The following DPYSL5 variants were observed in gnomAD, a reference collection of about 807,000 sequenced individuals.
DPYSL5 encodes the protein dihydropyrimidinase like 5.
DPYSL5 carries 9 observed loss-of-function variants against 58.4 expected under a neutral mutation model. The ratio of observed to expected loss-of-function variants is 0.15; its 90% confidence interval spans 0.09 to 0.27. DPYSL5 has a LOEUF of 0.27. DPYSL5 is among the 10% of genes least tolerant of loss of function. The pLI is 1.00. For synonymous variants in DPYSL5, 293 were observed against 301.9 expected (o/e 0.97, Z 0.31); for missense variants, 499 against 770.6 (o/e 0.65, Z 4.17).
At chr2:26,940,946 TTTTTG>T (rs1329244380) in intron 9 of DPYSL5, among the ~76,000 whole-genome samples, 65 of 142,376 alleles carry the variant, frequency 4.6e-4, no homozygotes, top group African/African-American at 1.5e-3. Flanking sequence ...TATTTATTTT[TTTTTG>T]TGTGTGATAG....
chr2:26,940,712 TA>T (rs1423044524), intron 9 of DPYSL5, among the ~76,000 whole-genome samples: 1 of 151,800 alleles, frequency 6.6e-6, no homozygotes, highest in Non-Finnish European at 1.5e-5. Context: ...CATATAACAC[TA>T]TACCCTGAGT....
chr2:26,848,533 C>A (rs1665656402), intron 1 of DPYSL5: 1 of 152,460 alleles, frequency 6.6e-6, no homozygotes, highest in Non-Finnish European at 1.5e-5. Context: ...GGTTGCAAAG[C>A]CCTGGGGTGA....
At chr2:26,915,971 C>A (rs1179266236) in intron 2 of DPYSL5, among the ~76,000 whole-genome samples, 1 of 152,118 alleles carries the variant, frequency 6.6e-6, no homozygotes, top group Non-Finnish European at 1.5e-5. Context: ...TTAAACTGGG[C>A]ACAGGAAGTG....
intron 3 of DPYSL5, among the ~76,000 whole-genome samples, chr2:26,926,978 C>T (rs919172312): frequency 3.3e-5 from 5 of 152,220 alleles, no homozygotes; most frequent in African/African-American, 1.2e-4. Flanking sequence ...AGGGGACAGG[C>T]CTAAGTGATA....
intron 1 of DPYSL5, among the ~76,000 whole-genome samples, chr2:26,896,632 T>G (rs1192355905): frequency 6.6e-6 from 1 of 152,244 alleles, no homozygotes; most frequent in Non-Finnish European, 1.5e-5. Context: ...TTTCTGATGA[T>G]TAGTGATGTT....
chr2:26,909,584 T>C (rs540165493), intron 2 of DPYSL5, among the ~76,000 whole-genome samples: 2 of 152,000 alleles, frequency 1.3e-5, no homozygotes, highest in Non-Finnish European at 2.9e-5. Context: ...CTAGGCAACA[T>C]AGTGAAACCC....
rs559253357 is a variant in DPYSL5, at chr2:26,941,444, G to C, written c.1090-506G>C. ...TTTGGTCTTGATCTATCTCAGATTA[G>C]ATCTAAAATAGTATGAGCCCCAAAG... On this transcript the variant is annotated intron_variant, in intron 9 of 12. Transcript: ENST00000288699. Among the ~76,000 whole-genome samples the C allele has an allele frequency of 2.4e-4, 36 of 152,270 alleles. No homozygotes were observed. In the South Asian group the frequency reaches 7.3e-3, roughly 31 times the overall value.
intron 2 of DPYSL5, among the ~76,000 whole-genome samples, chr2:26,921,705 G>A (rs1455597945): frequency 6.6e-6 from 1 of 152,156 alleles, no homozygotes; most frequent in Non-Finnish European, 1.5e-5. Flanking sequence ...GCCTGCAGCT[G>A]GGGGAGAGTT....
chr2:26,851,309 G>A (rs900138817), intron 1 of DPYSL5, among the ~76,000 whole-genome samples: 2 of 45,146 alleles, frequency 4.4e-5, no homozygotes, highest in Non-Finnish European at 8.4e-5. Flanking sequence ...GGAATCCATA[G>A]ACAAGGAATG....
At chr2:26,887,322 G>A (rs1369244535) in intron 1 of DPYSL5, among the ~76,000 whole-genome samples, 1 of 152,242 alleles carries the variant, frequency 6.6e-6, no homozygotes, top group African/African-American at 2.4e-5. Context: ...CACCATCCTG[G>A]CCCCAAGTTC....
chr2:26,947,697 G>T lies in DPYSL5; in HGVS notation c.*702G>T, dbSNP rs920296167. On this transcript the variant is annotated 3_prime_UTR_variant, in exon 13 of 13. Transcript: ENST00000288699. This position sits in a 1 kb window ranked among gnomAD's most constrained non-coding sequence, Gnocchi z 4.2. ...TTGTTTTGCACGTTTGGTTTGCGCA[G>T]TAGTTTGGTTTGACTTGTTTGTGCA... 1 of 152,994 alleles carries T rather than the reference G, an allele frequency of 6.5e-6. No individual in the cohort carries two copies. The highest frequency in any genetic ancestry group is 2.4e-5 in the African/African-American group (1 of 41,482). The allele number at this position is 152,994 out of a possible 1,614,324, so 9.5% of individuals were successfully genotyped here.
intron 1 of DPYSL5, among the ~76,000 whole-genome samples, chr2:26,885,925 G>C (rs188858274): frequency 6.6e-6 from 1 of 152,190 alleles, no homozygotes; most frequent in Non-Finnish European, 1.5e-5. Context: ...CCTGGATGTC[G>C]ACCCTGGCCT....
intron 1 of DPYSL5, among the ~76,000 whole-genome samples, chr2:26,874,996 T>C (rs1172696908): frequency 6.6e-6 from 1 of 152,226 alleles, no homozygotes; most frequent in Non-Finnish European, 1.5e-5. Flanking sequence ...AGTTCTCTAA[T>C]TTCTTTCAAC....
At chr2:26,904,498 C>T (rs1664241705) in intron 2 of DPYSL5, among the ~76,000 whole-genome samples, 1 of 152,166 alleles carries the variant, frequency 6.6e-6, no homozygotes, top group Non-Finnish European at 1.5e-5. Flanking sequence ...TATGGTCTTG[C>T]TTATTCATTG....
chr2:26,862,573 G>C (rs535720071), intron 1 of DPYSL5, among the ~76,000 whole-genome samples: 1 of 152,160 alleles, frequency 6.6e-6, no homozygotes, highest in African/African-American at 2.4e-5. Flanking sequence ...GCCCCAGGAA[G>C]CCATTGCATG....
intron 8 of DPYSL5, 129 bp from the exon 9 acceptor site, chr2:26,939,902 A>C: frequency 7.9e-7 from 1 of 1,259,944 alleles, no homozygotes; most frequent in Non-Finnish European, 1.1e-6. Context: ...ACATGGCCTA[A>C]GCGGCAGAGC....
rs947307037 is a variant in DPYSL5 at position 26,949,515 on chromosome 2, C to T, written c.*2520C>T. ...CCATCTCTATCCCTGTCAGCCCTCA[C>T]TGGGTCATGGGCCTTGGGCAGATGT... On this transcript the variant is annotated 3_prime_UTR_variant, in exon 13 of 13. Transcript: ENST00000288699. 2 of 152,486 alleles carry T rather than the reference C, an allele frequency of 1.3e-5. No individual in the cohort carries two copies. The highest frequency in any genetic ancestry group is 3.9e-4 in the East Asian group (2 of 5,190). 9.4% of individuals were successfully genotyped at this position (152,486 alleles called of 1,614,324 possible). A position where few individuals can be genotyped will look rare whatever the true frequency, so the allele number is the denominator to read the frequency against.
intron 1 of DPYSL5, among the ~76,000 whole-genome samples, chr2:26,861,128 C>T (rs1666000762): frequency 6.6e-6 from 1 of 152,162 alleles, no homozygotes; most frequent in Non-Finnish European, 1.5e-5. Flanking sequence ...CGAAATAAGA[C>T]ACAAGCATAC....
intron 2 of DPYSL5, among the ~76,000 whole-genome samples, chr2:26,914,543 G>A (rs1664517520): frequency 6.6e-6 from 1 of 152,188 alleles, no homozygotes; most frequent in Non-Finnish European, 1.5e-5. Flanking sequence ...CCTGACCCAT[G>A]CATGACCTGG....
Sources: gnomAD v4.1 joint callset for allele counts (sites outside exome capture counted in the v4.1 genomes callset) on GRCh38, gnomAD v4.1.1 for gene constraint, Gnocchi (gnomAD v3.1) non-coding constraint, MANE v1.5 for transcripts, NCBI Gene and HGNC (gene_info 2026-07-23, HGNC 2026-07-21) for gene names.